PCDHGA4: variants seen among roughly 807,000 people sequenced by gnomAD.
The protein encoded by PCDHGA4 is protocadherin gamma subfamily A, 4.
PCDHGA4 carries 38 observed loss-of-function variants against 54.6 expected under a neutral mutation model. That is an observed-to-expected ratio of 0.70 (90% CI 0.54 to 0.91). PCDHGA4 has a LOEUF of 0.91. PCDHGA4 is among the 40% of genes least tolerant of loss of function. The probability of loss-of-function intolerance (pLI) is 0.00; values close to 1 mark genes in which losing one functional copy is unlikely to be tolerated. For missense variants in PCDHGA4, 1,298 were observed against 1,220.9 expected, an observed-to-expected ratio of 1.06 and a Z score of -0.94; for synonymous variants, 511 against 512.9, an observed-to-expected ratio of 1.00 and a Z score of 0.05.
intron 1 of PCDHGA4, among the ~76,000 whole-genome samples, chr5:141,401,078 T>A (rs2094109579): frequency 6.6e-6 from 1 of 152,226 alleles, no homozygotes; most frequent in South Asian, 2.1e-4. Flanking sequence ...GTGCAGTGGC[T>A]CATGCCTGTA....
At chr5:141,429,912 A>G (rs1341795921) in intron 1 of PCDHGA4, among the ~76,000 whole-genome samples, 2 of 152,234 alleles carry the variant, frequency 1.3e-5, no homozygotes, top group Admixed American at 1.3e-4. Flanking sequence ...TTGAAATATA[A>G]TGTATTAATA....
intron 3 of PCDHGA4, among the ~76,000 whole-genome samples, chr5:141,509,092 G>T (rs943269087): frequency 1.3e-5 from 2 of 152,180 alleles, no homozygotes; most frequent in African/African-American, 4.8e-5. Context: ...TGAAATGGGG[G>T]CTGTAGAAAC....
At chr5:141,376,381 T>C (rs1588802356) in intron 1 of PCDHGA4, 13 of 1,613,972 alleles carry the variant, frequency 8.1e-6, no homozygotes, top group Middle Eastern at 1.7e-4. Context: ...CGCGTAAGAG[T>C]CATCTGATTT....
chr5:141,424,026 C>G, intron 1 of PCDHGA4: 1 of 1,041,918 alleles, frequency 9.6e-7, no homozygotes, highest in Non-Finnish European at 1.2e-6. Context: ...TTCACAAACA[C>G]TTTTTATTTC....
chr5:141,374,477 C>A lies in PCDHGA4; in HGVS notation c.2514+16856C>A, dbSNP rs376389009. 3 of 1,611,808 alleles carry A rather than the reference C, an allele frequency of 1.9e-6. No individual in the cohort carries two copies. In the East Asian group the frequency reaches 6.7e-5, roughly 36 times the overall value. ...AGTGGACATTAATGACAATACACCC[C>A]GATTCTTAAAGGAAGAATTGGAAGT... On this transcript the variant is annotated intron_variant, in intron 1 of 3. Transcript: ENST00000571252.
chr5:141,396,477 A>C (rs920260792), intron 1 of PCDHGA4: 1 of 152,040 alleles, frequency 6.6e-6, no homozygotes, highest in Non-Finnish European at 1.5e-5. Context: ...AAAATTAGCC[A>C]GGCATGGTGG....
At chr5:141,413,221 G>C (rs1384304697) in intron 1 of PCDHGA4, 1 of 1,613,570 alleles carries the variant, frequency 6.2e-7, no homozygotes, top group South Asian at 1.1e-5. Context: ...GGATTGCAGC[G>C]GGCTGGTCCT....
chr5:141,372,270 G>T, intron 1 of PCDHGA4: 1 of 1,613,182 alleles, frequency 6.2e-7, no homozygotes, highest in Non-Finnish European at 8.5e-7. Context: ...CACGGGTGAG[G>T]TGCGCACGGC....
intron 1 of PCDHGA4, chr5:141,398,765 C>T (rs2093700875): frequency 6.2e-7 from 1 of 1,613,944 alleles, no homozygotes. Flanking sequence ...TTAGTCCTGA[C>T]TGCCTTGGAC....
chr5:141,430,756 A>G (rs747363475), intron 1 of PCDHGA4: 1 of 1,503,228 alleles, frequency 6.7e-7, no homozygotes, highest in Non-Finnish European at 8.9e-7. Flanking sequence ...GGAGGAAGAT[A>G]AGAATGATTC....
At chr5:141,357,948 G>C (rs191828282) in intron 1 of PCDHGA4, among the ~76,000 whole-genome samples, 21 of 152,264 alleles carry the variant, frequency 1.4e-4, no homozygotes, top group African/African-American at 4.3e-4. Context: ...CTAACACTTT[G>C]GGAGTGTGAG....
intron 1 of PCDHGA4, among the ~76,000 whole-genome samples, chr5:141,455,291 A>G (rs1212745731): frequency 6.6e-6 from 1 of 152,072 alleles, no homozygotes; most frequent in Non-Finnish European, 1.5e-5. Flanking sequence ...CACTTTACAT[A>G]GTTTCATCTT....
At chr5:141,500,672 C>A (rs2099801937) in intron 2 of PCDHGA4, among the ~76,000 whole-genome samples, 1 of 152,156 alleles carries the variant, frequency 6.6e-6, no homozygotes, top group South Asian at 2.1e-4. Context: ...TACTGTCCAA[C>A]AGAATTATAG....
At chr5:141,435,503 A>G (rs2097767522) in intron 1 of PCDHGA4, among the ~76,000 whole-genome samples, 1 of 152,170 alleles carries the variant, frequency 6.6e-6, no homozygotes, top group Non-Finnish European at 1.5e-5. Context: ...TACACTAATG[A>G]TACTAATGAT....
At chr5:141,498,793 T>C (rs2154592354) in intron 2 of PCDHGA4, among the ~76,000 whole-genome samples, 1 of 152,028 alleles carries the variant, frequency 6.6e-6, no homozygotes, top group Non-Finnish European at 1.5e-5. Context: ...ATTAGCCAGG[T>C]GTGGTGGTGC....
At chr5:141,393,825 G>A (rs2092852640) in intron 1 of PCDHGA4, 10 of 1,613,964 alleles carry the variant, frequency 6.2e-6, no homozygotes, top group Non-Finnish European at 8.5e-6. Context: ...CATTTCGGTG[G>A]AAGATGTAAA....
rs1360364370 is a variant in PCDHGA4, at chr5:141,491,814, G to A, written c.2515-2993G>A. 1 of 1,486,114 alleles carries A rather than the reference G, an allele frequency of 6.7e-7. No individual in the cohort carries two copies. The allele number at this position is 1,486,114 out of a possible 1,614,324, so 92.1% of individuals were successfully genotyped here. On this transcript the variant is annotated intron_variant, in intron 1 of 3. Transcript: ENST00000571252. This position sits in a 1 kb window ranked among gnomAD's most constrained non-coding sequence, Gnocchi z 6.9. ...TCCTCTCCGGCCGGCTTGGTCGCTGGCTGCGCTCCACCCGATTCTCGGGAT... is the reference window on the plus strand; with the variant it reads ...TCCTCTCCGGCCGGCTTGGTCGCTGACTGCGCTCCACCCGATTCTCGGGAT...
intron 1 of PCDHGA4, chr5:141,422,952 C>A (rs759618535): frequency 6.2e-7 from 1 of 1,614,254 alleles, no homozygotes; most frequent in Non-Finnish European, 8.5e-7. Context: ...GCTCCACTGG[C>A]GTGGAGCTGG....
intron 1 of PCDHGA4, chr5:141,399,271 T>C: frequency 1.2e-6 from 2 of 1,613,926 alleles, no homozygotes; most frequent in Non-Finnish European, 1.7e-6. Flanking sequence ...TAATTGTCAA[T>C]TACAAGGCGA....
Sources: gnomAD v4.1 joint callset for allele counts (sites outside exome capture counted in the v4.1 genomes callset) on GRCh38, gnomAD v4.1.1 for gene constraint, Gnocchi (gnomAD v3.1) non-coding constraint, MANE v1.5 for transcripts, NCBI Gene and HGNC (gene_info 2026-07-23, HGNC 2026-07-21) for gene names.